AQR: variants seen among roughly 807,000 people sequenced by gnomAD.
The protein encoded by AQR is aquarius intron-binding spliceosomal factor.
A neutral mutation model predicts 180.5 loss-of-function variants in AQR; 61 were observed. That is an observed-to-expected ratio of 0.34 (90% CI 0.28 to 0.42). AQR has a LOEUF of 0.42. Among genes scored for constraint, AQR ranks in the 10% least tolerant of loss-of-function variants. AQR has a pLI of 1.00. For synonymous variants in AQR, 551 were observed against 588.8 expected (o/e 0.94, Z 0.93); for missense variants, 1,281 against 1,798.3 (o/e 0.71, Z 5.20).
intron 6 of AQR, chr15:34,943,544 C>A (rs1894062418): frequency 3.4e-6 from 1 of 292,494 alleles, no homozygotes. Context: ...TTTTTTTATG[C>A]CTTTAAAAGA....
chr15:34,921,437 A>AAC (rs1893684146), intron 13 of AQR, among the ~76,000 whole-genome samples: 1 of 146,090 alleles, frequency 6.8e-6, no homozygotes, highest in African/African-American at 2.7e-5. Flanking sequence ...CCATCTCAAA[A>AAC]AAAAAAAAAA....
intron 9 of AQR, 82 bp from the exon 10 acceptor site, chr15:34,934,717 ATAACT>A (rs1305918460): frequency 1.2e-6 from 1 of 813,236 alleles, no homozygotes; most frequent in East Asian, 2.9e-5. Flanking sequence ...CAGTTATTTA[ATAACT>A]TAAATAAAGT....
rs767797874 is a variant in AQR, at chr15:34,944,336, A to G, written c.423T>C (p.His141=). The change falls in exon 6 of 35, where the codon CAT becomes CAC. Residue 141 remains histidine (H), a synonymous_variant. Transcript: ENST00000156471. The stretch of plus-strand genomic sequence containing the variant: ...GAAAAAGTAGTAAGACTGTCTGTTC[A>G]TGAAGTGAAAATTCACCATCAGTTT... The part of the protein sequence containing the change: ...LAETDGEFSL[H]EQTVLLLFLD... 7.4e-6 allele frequency: 12 copies of G among 1,611,316 alleles called. No individual in the cohort carries two copies. Among genetic ancestry groups the G allele is most frequent in the Admixed American group, 1.7e-5 (1 of 59,510 alleles).
At chr15:34,885,387 A>C (rs1215228263) in intron 25 of AQR, among the ~76,000 whole-genome samples, 2 of 152,158 alleles carry the variant, frequency 1.3e-5, no homozygotes, top group African/African-American at 4.8e-5. Flanking sequence ...TGTTTCTCAA[A>C]AGTGTAGTCC....
intron 34 of AQR, among the ~76,000 whole-genome samples, chr15:34,857,547 C>T (rs1454688302): frequency 6.6e-5 from 10 of 151,958 alleles, no homozygotes; most frequent in African/African-American, 1.9e-4. Flanking sequence ...GCCAGGAGTT[C>T]GAGACTAGCC....
intron 34 of AQR, among the ~76,000 whole-genome samples, chr15:34,857,342 T>A (rs1378254725): frequency 6.6e-6 from 1 of 152,190 alleles, no homozygotes; most frequent in Non-Finnish European, 1.5e-5. Flanking sequence ...AAAACAACCA[T>A]GAAAAGCTAT....
chr15:34,960,661 C>A lies in AQR; in HGVS notation c.173+113G>T, dbSNP rs186159741. ...GTTTTTCTAGTCACCATTGCCCTGA[C>A]GACCAGTTTGAAACAGAAAAAGGGT... is the stretch of plus-strand genomic sequence containing the variant. On this transcript the variant is annotated intron_variant, in intron 3 of 34. Coordinates refer to ENST00000156471, the MANE Select transcript of AQR (RefSeq NM_014691.3). 15 of 524,842 alleles carry A rather than the reference C, an allele frequency of 2.9e-5. No individual in the cohort carries two copies. In the South Asian group the frequency reaches 3.1e-4, roughly 11 times the overall value. 32.5% of individuals were successfully genotyped at this position (524,842 alleles called of 1,614,324 possible). A position where few individuals can be genotyped will look rare whatever the true frequency, so the allele number is the denominator to read the frequency against.
At chr15:34,899,920 T>A (rs538383093) in intron 20 of AQR, among the ~76,000 whole-genome samples, 2 of 152,276 alleles carry the variant, frequency 1.3e-5, no homozygotes, top group East Asian at 3.9e-4. Flanking sequence ...AGAGATGAGG[T>A]CTTCCTCTGT....
intron 33 of AQR, among the ~76,000 whole-genome samples, chr15:34,861,830 G>A (rs1892674859): frequency 6.6e-6 from 1 of 151,946 alleles, no homozygotes; most frequent in African/African-American, 2.4e-5. Context: ...TTTTTATAAA[G>A]TACTTATTAT....
chr15:34,957,426 G>A (rs1424450648), intron 3 of AQR, among the ~76,000 whole-genome samples: 1 of 152,020 alleles, frequency 6.6e-6, no homozygotes, highest in Non-Finnish European at 1.5e-5. Flanking sequence ...AAAAATGTAG[G>A]CCAGGCGTGG....
At chr15:34,931,369 G>A (rs766177742) in intron 11 of AQR, among the ~76,000 whole-genome samples, 8 of 152,074 alleles carry the variant, frequency 5.3e-5, no homozygotes, top group Non-Finnish European at 1.0e-4. Context: ...TTTAATATAT[G>A]TGGCAAATCA....
rs151175083 is a variant in AQR at position 34,962,723 on chromosome 15, C to T, written c.132+1511G>A. Among the ~76,000 whole-genome samples the T allele has an allele frequency of 5.9e-5, 9 of 151,440 alleles. No homozygotes were observed. The East Asian group carries it at 7.8e-4, about 13-fold the overall frequency. ...GGTGGAGGCTGCAGTGAGCCAGAAT[C>T]GTGCCATTACACTCCAAACTGGGTG... On this transcript the variant is annotated intron_variant, in intron 2 of 34. Transcript: ENST00000156471.
At position 34,852,038 on chromosome 15, in the gene AQR, T is replaced by A. The variant is rs1276497768; in HGVS notation, c.*4754A>T. The A allele has an allele frequency of 6.6e-6, 1 of 152,196 alleles. No homozygotes were observed. The highest frequency in any genetic ancestry group is 1.9e-4 in the East Asian group (1 of 5,196). 9.4% of individuals were successfully genotyped at this position (152,196 alleles called of 1,614,324 possible). ...ACAAATCACTTCACTTCTGGTTTCC[T>A]CTTCGGCTGTTACTTCACCCTCTGG... is the stretch of plus-strand genomic sequence containing the variant. On this transcript the variant is annotated 3_prime_UTR_variant, in exon 35 of 35. Transcript: ENST00000156471.
At chr15:34,955,409 C>G (rs921248289) in intron 3 of AQR, among the ~76,000 whole-genome samples, 1 of 152,134 alleles carries the variant, frequency 6.6e-6, no homozygotes, top group South Asian at 2.1e-4. Context: ...TACATTCCCC[C>G]CTATCCCAAC....
At chr15:34,878,780 C>T (rs930659497) in intron 27 of AQR, among the ~76,000 whole-genome samples, 1 of 152,148 alleles carries the variant, frequency 6.6e-6, no homozygotes, top group Non-Finnish European at 1.5e-5. Flanking sequence ...CCTGTAATCC[C>T]AGCACTTTGG....
rs142306994 is a variant in AQR, at chr15:34,928,283, T to C, written c.1015-1145A>G. ...TGTGGAAATGTGCAGGTTTGTTACA[T>C]AGGTATACATGTGCCATGGTGGTTT... is the stretch of plus-strand genomic sequence containing the variant. On this transcript the variant is annotated intron_variant, in intron 12 of 34. Transcript: ENST00000156471. Among the ~76,000 whole-genome samples the C allele has an allele frequency of 4.0e-3, 602 of 152,256 alleles. 2 individuals are homozygous for C. Among genetic ancestry groups the C allele is most frequent in the Middle Eastern group, 0.01 (3 of 294 alleles).
chr15:34,898,447 C>A (rs1893280489), intron 20 of AQR, among the ~76,000 whole-genome samples: 1 of 152,138 alleles, frequency 6.6e-6, no homozygotes, highest in Non-Finnish European at 1.5e-5. Context: ...GAAATAGGAG[C>A]ATATCAGCTT....
intron 9 of AQR, among the ~76,000 whole-genome samples, chr15:34,935,835 G>A (rs750369432): frequency 2.0e-5 from 3 of 152,178 alleles, no homozygotes; most frequent in Admixed American, 2.0e-4. Context: ...CAATTTAAAG[G>A]AGCAATTTTT....
chr15:34,904,926 TATTC>T (rs1408195955), intron 18 of AQR, among the ~76,000 whole-genome samples: 2 of 152,170 alleles, frequency 1.3e-5, no homozygotes, highest in African/African-American at 4.8e-5. Flanking sequence ...CATAGTTTTC[TATTC>T]ATTAATTCCT....
Sources: allele counts gnomAD v4.1 joint callset (sites outside exome capture counted in the v4.1 genomes callset), GRCh38; gene constraint gnomAD v4.1.1; transcripts MANE v1.5; gene names NCBI Gene and HGNC (gene_info 2026-07-23, HGNC 2026-07-21).